C9: variants seen among roughly 807,000 people sequenced by gnomAD.
C9 encodes the protein complement component C9.
Under a neutral mutation model 65.4 loss-of-function variants are expected in C9, and 63 were observed. That is an observed-to-expected ratio of 0.96 (90% CI 0.79 to 1.19). The LOEUF (loss-of-function observed/expected upper bound fraction) is 1.19, where lower values mean the gene tolerates loss of function less well. Among genes scored for constraint, C9 ranks in the 50% most tolerant of loss-of-function variants. The pLI, the probability that C9 is intolerant of heterozygous loss-of-function variation, is 0.00. For missense variants in C9, 744 were observed against 670.1 expected, an observed-to-expected ratio of 1.11 and a Z score of -1.22; for synonymous variants, 229 against 227.9, an observed-to-expected ratio of 1.00 and a Z score of -0.04.
chr5:39,292,535 C>T (rs999196049), intron 9 of C9, among the ~76,000 whole-genome samples: 2 of 151,662 alleles, frequency 1.3e-5, no homozygotes, highest in African/African-American at 2.4e-5. Context: ...AAATTTGGAC[C>T]TACATAAAGT....
rs749299545 is a variant in C9 at position 39,342,084 on chromosome 5, C to T, written c.183+7G>A. On this transcript the variant is annotated splice_region_variant and intron_variant, in intron 2 of 10. Transcript: ENST00000263408. ...GAGGTCAGTGGGGAAGGGAGATGAA[C>T]ACTTACCATTTGTCTGAGACAAGGA... is the stretch of plus-strand genomic sequence containing the variant. 3 of 1,481,140 alleles carry T rather than the reference C, an allele frequency of 2.0e-6. No homozygotes were observed. The highest frequency in any genetic ancestry group is 2.8e-6 in the Non-Finnish European group (3 of 1,058,554). 91.7% of individuals were successfully genotyped at this position (1,481,140 alleles called of 1,614,324 possible).
chr5:39,358,585 T>G (rs1754449761), intron 1 of C9, among the ~76,000 whole-genome samples: 1 of 152,124 alleles, frequency 6.6e-6, no homozygotes, highest in Admixed American at 6.6e-5. Flanking sequence ...AATTGACTAC[T>G]GGGGAGTGGA....
intron 6 of C9, among the ~76,000 whole-genome samples, chr5:39,314,195 A>G (rs1358701994): frequency 6.6e-6 from 1 of 152,110 alleles, no homozygotes; most frequent in Admixed American, 6.6e-5. Context: ...CACACCTGTA[A>G]TCCCAGCACT....
chr5:39,335,151 A>G (rs1479654515), intron 4 of C9, among the ~76,000 whole-genome samples: 10 of 152,234 alleles, frequency 6.6e-5, no homozygotes, highest in Admixed American at 5.9e-4. Context: ...TGAACTACAT[A>G]TCTGGTGTGG....
At chr5:39,337,787 G>A (rs576233827) in intron 4 of C9, among the ~76,000 whole-genome samples, 66 of 152,340 alleles carry the variant, frequency 4.3e-4, no homozygotes, top group African/African-American at 1.5e-3. Context: ...TGAAACATTT[G>A]TGATACAACT....
intron 10 of C9, among the ~76,000 whole-genome samples, chr5:39,286,487 G>C (rs1407235525): frequency 6.6e-6 from 1 of 151,686 alleles, no homozygotes; most frequent in Non-Finnish European, 1.5e-5. Context: ...GAAAAAACTA[G>C]ACAAAAGAAA....
intron 9 of C9, among the ~76,000 whole-genome samples, chr5:39,291,687 C>G (rs1366081833): frequency 6.6e-6 from 1 of 151,220 alleles, no homozygotes; most frequent in Non-Finnish European, 1.5e-5. Context: ...AGTAAAAAGC[C>G]TTAGTATTTT....
intron 10 of C9, 110 bp downstream of exon 10, chr5:39,288,613 A>AG (rs1753033604): frequency 1.5e-6 from 1 of 687,380 alleles, no homozygotes; most frequent in Non-Finnish European, 2.7e-6. Flanking sequence ...TTCTGTTTAT[A>AG]TAAATAATCT....
chr5:39,321,577 C>T (rs891053906), intron 5 of C9, among the ~76,000 whole-genome samples: 11 of 151,650 alleles, frequency 7.3e-5, no homozygotes, highest in Non-Finnish European at 8.8e-5. Flanking sequence ...CCTTACCTAC[C>T]GATAATTATC....
intron 5 of C9, among the ~76,000 whole-genome samples, chr5:39,322,116 T>TA (rs1346983862): frequency 6.6e-6 from 1 of 152,010 alleles, no homozygotes; most frequent in East Asian, 1.9e-4. Flanking sequence ...AAACAAGTCT[T>TA]AAACATTTTA....
At chr5:39,319,062 T>C (rs559176009) in intron 5 of C9, among the ~76,000 whole-genome samples, 1 of 152,172 alleles carries the variant, frequency 6.6e-6, no homozygotes, top group Admixed American at 6.5e-5. Flanking sequence ...AACCCTCCCA[T>C]AGCACAGACA....
rs544668145 is a variant in C9, at chr5:39,344,628, C to T, written c.78-2432G>A. Among the ~76,000 whole-genome samples the T allele has an allele frequency of 8.8e-4, 134 of 152,284 alleles. 4 individuals carry two copies. The South Asian group carries it at 0.026, about 29-fold the overall frequency. The stretch of plus-strand genomic sequence containing the variant: ...ATATTATCCAGGAGAACTTCCCCAA[C>T]CTAGCACAGCAGGCCAACATTCAAG... On this transcript the variant is annotated intron_variant, in intron 1 of 10. Transcript: ENST00000263408.
intron 6 of C9, among the ~76,000 whole-genome samples, chr5:39,312,578 A>G (rs1753504869): frequency 6.6e-6 from 1 of 152,142 alleles, no homozygotes; most frequent in Non-Finnish European, 1.5e-5. Flanking sequence ...GCAACTCAAC[A>G]GTTAAATGTT....
At position 39,351,088 on chromosome 5, in the gene C9, G is replaced by A. The variant is rs115836972; in HGVS notation, c.78-8892C>T. 4.9e-3 allele frequency among the ~76,000 whole-genome samples: 749 copies of A among 152,304 alleles called. 5 individuals carry two copies. Among genetic ancestry groups the A allele is most frequent in the African/African-American group, 0.017 (702 of 41,558 alleles). The stretch of plus-strand genomic sequence containing the variant: ...TGTGCACCTGCAGGCCCAACACCAT[G>A]TGGAAGCCACCAAGGCTTGGGTTTG... On this transcript the variant is annotated intron_variant, in intron 1 of 10. Coordinates refer to ENST00000263408, the MANE Select transcript of C9 (RefSeq NM_001737.5).
chr5:39,308,386 TTAGA>T (rs755877790), intron 7 of C9, 28 bp from the exon 8 acceptor site: 28 of 1,525,780 alleles, frequency 1.8e-5, no homozygotes, highest in African/African-American at 5.5e-5. Context: ...TTGAAAATTA[TTAGA>T]TAATGTCTAC....
intron 5 of C9, among the ~76,000 whole-genome samples, chr5:39,320,854 GGAGAGAGTGAGAT>G (rs1226288816): frequency 6.6e-6 from 1 of 152,094 alleles, no homozygotes; most frequent in Non-Finnish European, 1.5e-5. Context: ...CTTGAATCCA[GGAGAGAGTGAGAT>G]GATATATTCA....
intron 10 of C9, 42 bp downstream of exon 10, chr5:39,288,681 G>A (rs1178664233): frequency 2.0e-6 from 2 of 1,021,252 alleles, no homozygotes; most frequent in East Asian, 2.4e-5. Flanking sequence ...ACCCCAAAGT[G>A]CATATTTTTG....
intron 6 of C9, among the ~76,000 whole-genome samples, chr5:39,315,314 C>A (rs1169914338): frequency 6.6e-6 from 1 of 152,052 alleles, no homozygotes; most frequent in African/African-American, 2.4e-5. Flanking sequence ...TTTTCAAAGT[C>A]TCAAACGTAT....
At chr5:39,360,748 AT>A (rs1012050913) in intron 1 of C9, among the ~76,000 whole-genome samples, 32 of 149,722 alleles carry the variant, frequency 2.1e-4, no homozygotes, top group East Asian at 9.7e-4. Context: ...CAAAATACCT[AT>A]TTTTTTTTTA....
Sources: gnomAD v4.1 joint callset for allele counts (sites outside exome capture counted in the v4.1 genomes callset) on GRCh38, gnomAD v4.1.1 for gene constraint, MANE v1.5 for transcripts, NCBI Gene and HGNC (gene_info 2026-07-23, HGNC 2026-07-21) for gene names.